GALNTL6: variants seen among roughly 807,000 people sequenced by gnomAD.
GALNTL6 encodes polypeptide N-acetylgalactosaminyltransferase-like 6.
Under a neutral mutation model 73.7 loss-of-function variants are expected in GALNTL6, and 46 were observed. The ratio of observed to expected loss-of-function variants is 0.62; its 90% CI spans 0.49 to 0.80. The LOEUF is 0.80. Ranked by LOEUF, GALNTL6 falls within the 30% of genes least tolerant of loss-of-function variation. The probability of loss-of-function intolerance (pLI) is 0.00; values close to 1 mark genes in which losing one functional copy is unlikely to be tolerated. For synonymous variants in GALNTL6, 259 were observed against 263.7 expected (o/e 0.98, Z 0.17); for missense variants, 604 against 755.0 (o/e 0.80, Z 2.34).
chr4:172,351,831 T>C (rs1239897722), intron 5 of GALNTL6, among the ~76,000 whole-genome samples: 1 of 152,178 alleles, frequency 6.6e-6, no homozygotes, highest in Non-Finnish European at 1.5e-5. Flanking sequence ...ATTTCATTTC[T>C]GTTCAGTATT....
chr4:173,040,027 A>T lies in GALNTL6; in HGVS notation c.1733A>T (p.Glu578Val). The part of the protein sequence containing the change: ...IFMARCDPLS[E>V]TQQWIFEHIN... ...ATGGCCAGATGTGACCCTCTCTCTG[A>T]GACTCAGCAGTGGATTTTTGAACAC... Residue 578 changes from glutamate (E) to valine (V), a missense_variant, in exon 13 of 13, where the codon GAG (glutamate) becomes GTG (valine). Glu to Val is a moderately radical substitution (Grantham distance 121). Transcript: ENST00000506823. The T allele has an allele frequency of 6.2e-7, 1 of 1,613,540 alleles. No homozygotes were observed. Among genetic ancestry groups the T allele is most frequent in the Non-Finnish European group, 8.5e-7 (1 of 1,179,432 alleles).
intron 2 of GALNTL6, among the ~76,000 whole-genome samples, chr4:172,102,899 A>T (rs961162703): frequency 6.6e-6 from 1 of 152,058 alleles, no homozygotes; most frequent in Non-Finnish European, 1.5e-5. Context: ...AGAGGGAGAG[A>T]TGTAGGGTTA....
chr4:172,934,549 C>T (rs1055000660), intron 9 of GALNTL6, among the ~76,000 whole-genome samples: 1 of 152,194 alleles, frequency 6.6e-6, no homozygotes, highest in Non-Finnish European at 1.5e-5. Context: ...ATAACTTACA[C>T]TTCAGCTTCA....
intron 3 of GALNTL6, among the ~76,000 whole-genome samples, chr4:172,306,960 T>C (rs1172721502): frequency 6.6e-6 from 1 of 152,204 alleles, no homozygotes; most frequent in African/African-American, 2.4e-5. Flanking sequence ...ATGACTTCTT[T>C]CCTTCTGAGT....
intron 2 of GALNTL6, among the ~76,000 whole-genome samples, chr4:171,931,228 C>T (rs181968145): frequency 1.9e-3 from 282 of 152,234 alleles, no homozygotes; most frequent in African/African-American, 6.4e-3. Context: ...GTTGCCCAAG[C>T]TGGAGTGCAG....
At chr4:172,715,891 G>C (rs930901259) in intron 5 of GALNTL6, among the ~76,000 whole-genome samples, 2 of 152,168 alleles carry the variant, frequency 1.3e-5, no homozygotes, top group Non-Finnish European at 2.9e-5. Context: ...AGTACACTAT[G>C]TTACTTCATG....
chr4:172,122,204 A>C (rs1014852125), intron 2 of GALNTL6, among the ~76,000 whole-genome samples: 1 of 151,826 alleles, frequency 6.6e-6, no homozygotes, highest in Non-Finnish European at 1.5e-5. Context: ...GGTAGACTAA[A>C]GCATCTCATA....
At chr4:171,900,830 A>G (rs1234338327) in intron 2 of GALNTL6, among the ~76,000 whole-genome samples, 2 of 152,110 alleles carry the variant, frequency 1.3e-5, no homozygotes, top group African/African-American at 4.8e-5. Flanking sequence ...AGGTTAGACT[A>G]TTCCACAAGA....
rs956538240 is a variant in GALNTL6 at position 172,310,919 on chromosome 4, CTG to C, written c.248-693_248-692del. 6.6e-5 allele frequency among the ~76,000 whole-genome samples: 10 copies of C among 151,792 alleles called. No individual in the cohort carries two copies. The East Asian group carries it at 1.4e-3, about 21-fold the overall frequency. On this transcript the variant is annotated intron_variant, in intron 3 of 12. Transcript: ENST00000506823. ...AAATATAGTATGTAAAAAACAAAAA[CTG>C]TTTTTAAAAATGCTTGAACAATCAT...
intron 5 of GALNTL6, among the ~76,000 whole-genome samples, chr4:172,415,218 C>G (rs1403923142): frequency 1.3e-5 from 2 of 152,166 alleles, no homozygotes; most frequent in Non-Finnish European, 2.9e-5. Context: ...TTGTTCACAA[C>G]TCATGACTCA....
intron 5 of GALNTL6, among the ~76,000 whole-genome samples, chr4:172,382,876 A>G (rs1020549533): frequency 2.0e-5 from 3 of 148,482 alleles, no homozygotes; most frequent in African/African-American, 4.8e-5. Flanking sequence ...TGTGAAGACT[A>G]TTTTCACACA....
intron 5 of GALNTL6, among the ~76,000 whole-genome samples, chr4:172,541,085 G>A (rs745824803): frequency 1.2e-4 from 19 of 152,212 alleles, no homozygotes; most frequent in Admixed American, 3.9e-4. Flanking sequence ...ATATTTTGAT[G>A]TCCTTCAGGG....
At chr4:171,972,964 T>C (rs1739615230) in intron 2 of GALNTL6, among the ~76,000 whole-genome samples, 2 of 152,188 alleles carry the variant, frequency 1.3e-5, no homozygotes, top group African/African-American at 4.8e-5. Flanking sequence ...AATAATAAAG[T>C]ATATTATGAT....
intron 3 of GALNTL6, among the ~76,000 whole-genome samples, chr4:172,287,651 A>T (rs561887437): frequency 6.6e-6 from 1 of 152,204 alleles, no homozygotes; most frequent in Non-Finnish European, 1.5e-5. Flanking sequence ...ATCCAAAAAG[A>T]CAGGTAGATA....
intron 8 of GALNTL6, among the ~76,000 whole-genome samples, chr4:172,916,627 T>C (rs971013210): frequency 6.6e-5 from 10 of 152,262 alleles, no homozygotes; most frequent in Admixed American, 1.3e-4. Flanking sequence ...AGCCAAATCA[T>C]GAGTGAACTC....
At chr4:172,255,702 A>G (rs534837923) in intron 3 of GALNTL6, among the ~76,000 whole-genome samples, 2 of 151,590 alleles carry the variant, frequency 1.3e-5, no homozygotes, top group Admixed American at 6.6e-5. Flanking sequence ...CAGTGAGTCA[A>G]TCTGAATAAT....
intron 9 of GALNTL6, among the ~76,000 whole-genome samples, chr4:172,945,332 T>C (rs374499861): frequency 2.0e-5 from 3 of 152,212 alleles, no homozygotes; most frequent in African/African-American, 7.2e-5. Context: ...TTGCAGGTGA[T>C]GGACATGTTC....
intron 2 of GALNTL6, among the ~76,000 whole-genome samples, chr4:171,863,105 A>G (rs1234656938): frequency 6.6e-6 from 1 of 152,200 alleles, no homozygotes; most frequent in Admixed American, 6.5e-5. Context: ...ATTGGCTTAC[A>G]GGATTGAATT....
At chr4:172,429,140 C>T (rs571281167) in intron 5 of GALNTL6, among the ~76,000 whole-genome samples, 1 of 146,504 alleles carries the variant, frequency 6.8e-6, no homozygotes, top group African/African-American at 2.5e-5. Context: ...CTAATCACCT[C>T]CCCAAAGCCC....
Sources: gnomAD v4.1 joint callset for allele counts (sites outside exome capture counted in the v4.1 genomes callset) on GRCh38, gnomAD v4.1.1 for gene constraint, MANE v1.5 for transcripts, NCBI Gene and HGNC (gene_info 2026-07-23, HGNC 2026-07-21) for gene names.